Variants in SNAP29 observed in about 807,000 individuals in gnomAD.
The protein encoded by SNAP29 is synaptosome associated protein 29.
In SNAP29, 13 loss-of-function variants were observed where a neutral mutation model predicts 27.9. That is an observed-to-expected ratio of 0.47 (90% CI 0.30 to 0.74). The LOEUF is 0.74. Among genes scored for constraint, SNAP29 ranks in the 30% least tolerant of loss-of-function variants. The pLI, the probability that SNAP29 is intolerant of heterozygous loss-of-function variation, is 0.06. For synonymous variants in SNAP29, 119 were observed against 127.1 expected (o/e 0.94, Z 0.43); for missense variants, 368 against 336.5 (o/e 1.09, Z -0.73).
intron 3 of SNAP29, 118 bp from the exon 4 acceptor site, chr22:20,883,353 A>G: frequency 1.4e-6 from 1 of 727,062 alleles, no homozygotes; most frequent in African/African-American, 1.7e-5. Context: ...GGATAGCCTC[A>G]GAACCAACCC....
At chr22:20,866,093 C>T (rs1164520081) in intron 1 of SNAP29, among the ~76,000 whole-genome samples, 1 of 152,230 alleles carries the variant, frequency 6.6e-6, no homozygotes, top group Non-Finnish European at 1.5e-5. Context: ...AGGAACCAGG[C>T]TAGGGCCACA....
chr22:20,881,356 C>T (rs1441090158), intron 3 of SNAP29, among the ~76,000 whole-genome samples: 1 of 152,204 alleles, frequency 6.6e-6, no homozygotes, highest in Non-Finnish European at 1.5e-5. Context: ...CTCCCTCCCT[C>T]CCTCCATGGA....
At chr22:20,870,072 C>T (rs1035070592) in intron 1 of SNAP29, among the ~76,000 whole-genome samples, 1 of 152,120 alleles carries the variant, frequency 6.6e-6, no homozygotes, top group African/African-American at 2.4e-5. Flanking sequence ...CCACCCTCTG[C>T]CATCCATCTT....
At chr22:20,880,190 ATT>A (rs1442580193) in intron 2 of SNAP29, among the ~76,000 whole-genome samples, 1 of 152,018 alleles carries the variant, frequency 6.6e-6, no homozygotes, top group Non-Finnish European at 1.5e-5. Context: ...TGTTTTGTGT[ATT>A]TTACCATAAT....
At chr22:20,868,027 GC>G (rs570008332) in intron 1 of SNAP29, among the ~76,000 whole-genome samples, 64 of 152,304 alleles carry the variant, frequency 4.2e-4, no homozygotes, top group African/African-American at 1.4e-3. Flanking sequence ...TTCTTCTGCA[GC>G]CTGCAAAGCT....
intron 2 of SNAP29, among the ~76,000 whole-genome samples, chr22:20,873,112 G>C (rs1928638017): frequency 6.6e-6 from 1 of 152,276 alleles, no homozygotes; most frequent in Non-Finnish European, 1.5e-5. Flanking sequence ...TTATGGGCGT[G>C]AGCCACCACA....
intron 2 of SNAP29, among the ~76,000 whole-genome samples, chr22:20,873,606 A>G (rs190983358): frequency 6.6e-6 from 1 of 152,232 alleles, no homozygotes; most frequent in Admixed American, 6.5e-5. Flanking sequence ...GCAATTTGGG[A>G]GACTGAGGCA....
rs74557072 is a variant in SNAP29, at chr22:20,889,888, A to T, written c.*2052A>T. On this transcript the variant is annotated 3_prime_UTR_variant, in exon 5 of 5. Coordinates refer to ENST00000215730, the MANE Select transcript of SNAP29 (RefSeq NM_004782.4). ...AGCACAGTAACATCTTATTTTATGC[A>T]CATTCCCTGTCTTTTGCTGGACTGA... 3.1e-4 allele frequency: 54 copies of T among 174,916 alleles called. 1 individual carries two copies. In the East Asian group the frequency reaches 6.0e-3, roughly 20 times the overall value. 10.8% of individuals were successfully genotyped at this position (174,916 alleles called of 1,614,324 possible).
In SNAP29 at chr22:20,859,562, T is replaced by C. The variant is rs1435114759; in HGVS notation, c.237+215T>C. ...GGGCAGTTTACCCCAGAAATCTTCC[T>C]TAGCTATTAGTCTGCTTCGTTGATT... On this transcript the variant is annotated intron_variant, in intron 1 of 4. Coordinates refer to ENST00000215730, the MANE Select transcript of SNAP29 (RefSeq NM_004782.4). The C allele has an allele frequency of 8.5e-6, 5 of 591,404 alleles. No homozygotes were observed. In the African/African-American group the frequency reaches 9.4e-5, roughly 11 times the overall value. 36.6% of individuals were successfully genotyped at this position (591,404 alleles called of 1,614,324 possible). A position where few individuals can be genotyped will look rare whatever the true frequency, so the allele number is the denominator to read the frequency against.
At chr22:20,886,946 G>A (rs935384214) in intron 4 of SNAP29, among the ~76,000 whole-genome samples, 14 of 152,054 alleles carry the variant, frequency 9.2e-5, no homozygotes, top group Non-Finnish European at 1.6e-4. Context: ...GATTTTGGCC[G>A]GGCGCGGTGG....
chr22:20,878,812 A>G (rs1410843386), intron 2 of SNAP29, among the ~76,000 whole-genome samples: 1 of 152,162 alleles, frequency 6.6e-6, no homozygotes, highest in East Asian at 1.9e-4. Flanking sequence ...GGCACCTGCC[A>G]TACCTTAGGG....
rs561751875 is a variant in SNAP29, at chr22:20,863,085, C to T, written c.237+3738C>T. 4.6e-5 allele frequency among the ~76,000 whole-genome samples: 7 copies of T among 152,272 alleles called. No individual in the cohort carries two copies. The South Asian group carries it at 8.3e-4, about 18-fold the overall frequency. ...GGTATTTTTGGTGGAGATGGGCTTT[C>T]GCCATGTTACCCAGGCTAGTCTCGA... On this transcript the variant is annotated intron_variant, in intron 1 of 4. Coordinates refer to ENST00000215730, the MANE Select transcript of SNAP29 (RefSeq NM_004782.4).
At chr22:20,861,704 C>T (rs1295276445) in intron 1 of SNAP29, among the ~76,000 whole-genome samples, 1 of 152,098 alleles carries the variant, frequency 6.6e-6, no homozygotes, top group African/African-American at 2.4e-5. Flanking sequence ...GGCGCGATCT[C>T]AGCTCACTGC....
intron 4 of SNAP29, among the ~76,000 whole-genome samples, chr22:20,884,059 G>A (rs563656929): frequency 1.8e-4 from 27 of 152,320 alleles, no homozygotes; most frequent in Middle Eastern, 3.4e-3. Context: ...GGGGCCGGGC[G>A]CAGTGGCTCA....
intron 1 of SNAP29, among the ~76,000 whole-genome samples, chr22:20,861,457 A>C (rs1468687841): frequency 1.3e-5 from 2 of 151,630 alleles, no homozygotes; most frequent in Admixed American, 1.3e-4. Context: ...GTTTTGTTTG[A>C]GACAAAGTCT....
At chr22:20,874,407 C>T (rs535213035) in intron 2 of SNAP29, among the ~76,000 whole-genome samples, 30 of 148,126 alleles carry the variant, frequency 2.0e-4, no homozygotes, top group Middle Eastern at 3.5e-3. Flanking sequence ...GAAAATTAGC[C>T]GGACATGGTG....
At chr22:20,885,040 G>A (rs537409520) in intron 4 of SNAP29, among the ~76,000 whole-genome samples, 39 of 152,338 alleles carry the variant, frequency 2.6e-4, no homozygotes, top group African/African-American at 9.1e-4. Flanking sequence ...CTCCCAAAGT[G>A]CTGGGATTAT....
intron 2 of SNAP29, among the ~76,000 whole-genome samples, chr22:20,873,210 T>C (rs1928639860): frequency 6.6e-6 from 1 of 152,016 alleles, no homozygotes; most frequent in Non-Finnish European, 1.5e-5. Context: ...GAGGTCTTGC[T>C]GTGTTGGCCA....
At chr22:20,878,705 C>A (rs1443789074) in intron 2 of SNAP29, among the ~76,000 whole-genome samples, 2 of 152,106 alleles carry the variant, frequency 1.3e-5, no homozygotes, top group East Asian at 1.9e-4. Flanking sequence ...GCAAAAATTG[C>A]GAGTAACCCT....
Sources: gnomAD v4.1 joint callset for allele counts (sites outside exome capture counted in the v4.1 genomes callset) on GRCh38, gnomAD v4.1.1 for gene constraint, MANE v1.5 for transcripts, NCBI Gene and HGNC (gene_info 2026-07-23, HGNC 2026-07-21) for gene names.